SHC4: variants seen among roughly 807,000 people sequenced by gnomAD.
SHC4 encodes SHC-transforming protein 4.
A neutral mutation model predicts 69.4 loss-of-function variants in SHC4; 41 were observed. That is an observed-to-expected ratio of 0.59 (90% CI 0.46 to 0.77). The LOEUF is 0.77. SHC4 is among the 30% of genes least tolerant of loss of function. The pLI, the probability that SHC4 is intolerant of heterozygous loss-of-function variation, is 0.00. For missense variants in SHC4, 777 were observed against 783.8 expected (o/e 0.99, Z 0.10); for synonymous variants, 318 against 299.3 (o/e 1.06, Z -0.64).
intron 4 of SHC4, among the ~76,000 whole-genome samples, chr15:48,883,619 T>C (rs1899982579): frequency 6.6e-6 from 1 of 152,214 alleles, no homozygotes; most frequent in African/African-American, 2.4e-5. Flanking sequence ...CTGGTTTAGG[T>C]ACACATTTAG....
At chr15:48,854,892 T>A (rs1217888154) in intron 8 of SHC4, among the ~76,000 whole-genome samples, 2 of 152,204 alleles carry the variant, frequency 1.3e-5, no homozygotes, top group East Asian at 3.8e-4. Context: ...GATGGGATCA[T>A]TTGTATCTCA....
At chr15:48,871,798 A>G (rs1899682604) in intron 5 of SHC4, among the ~76,000 whole-genome samples, 1 of 152,250 alleles carries the variant, frequency 6.6e-6, no homozygotes, top group African/African-American at 2.4e-5. Context: ...GATATTATCA[A>G]CAAGAAGCTT....
intron 1 of SHC4, among the ~76,000 whole-genome samples, chr15:48,950,243 A>C (rs1439469974): frequency 6.8e-6 from 1 of 146,338 alleles, no homozygotes; most frequent in Non-Finnish European, 1.5e-5. Flanking sequence ...TATATTATTA[A>C]ATTTCATATA....
In SHC4 at chr15:48,962,916, G is replaced by T. The variant is rs770928175; in HGVS notation, c.100C>A (p.Arg34=). 1.9e-6 allele frequency: 3 copies of T among 1,613,318 alleles called. No homozygotes were observed. Among genetic ancestry groups the T allele is most frequent in the Non-Finnish European group, 2.5e-6 (3 of 1,180,028 alleles). The change falls in exon 1 of 12, where the codon CGG becomes AGG. Residue 34 remains arginine (R), a synonymous_variant. Transcript: ENST00000332408. ...MLHRAKYSRF[R]NESITSLDEG... ...TCCAAGGACGTGATCGACTCGTTCC[G>T]AAAGCGGCTGTACTTGGCCCTGTGC...
chr15:48,956,010 A>G (rs1233223645), intron 1 of SHC4, among the ~76,000 whole-genome samples: 1 of 152,172 alleles, frequency 6.6e-6, no homozygotes, highest in Non-Finnish European at 1.5e-5. Context: ...GTCCAGGGGC[A>G]TGAAAGGACT....
Position 48,908,809 on chromosome 15 carries a change from T to C in SHC4, c.656+16070A>G, listed in dbSNP as rs1443145364. ...CCAGCACCATTTGTTGAAAAGGGTG[T>C]CCTTTCCCCACTTTATGTTTTTGTT... On this transcript the variant is annotated intron_variant, in intron 2 of 11. Coordinates refer to ENST00000332408, the MANE Select transcript of SHC4 (RefSeq NM_203349.4). Among the ~76,000 whole-genome samples the C allele has an allele frequency of 2.6e-5, 4 of 152,310 alleles. No homozygotes were observed. The East Asian group carries it at 7.7e-4, about 29-fold the overall frequency.
At chr15:48,896,585 G>C (rs995965594) in intron 2 of SHC4, among the ~76,000 whole-genome samples, 11 of 152,108 alleles carry the variant, frequency 7.2e-5, no homozygotes. Context: ...CTTTCAAAGT[G>C]CTGGGATTAC....
In SHC4 at chr15:48,834,773, C is replaced by T. The variant is rs753761167; in HGVS notation, c.1733G>A (p.Gly578Asp). Residue 578 changes from glycine to aspartate, a missense_variant, in exon 11 of 12, where the codon GGC becomes GAC. Coordinates refer to ENST00000332408, the MANE Select transcript of SHC4 (RefSeq NM_203349.4). The part of the protein sequence containing the change: ...AKHLLLVDPE[G>D]KVRTKDHVFD... ...CTAATGAGAAGTCAATGATACCTTG[C>T]CTTCAGGATCCACCAGGAGAAGATG... 1.5e-4 allele frequency: 239 copies of T among 1,613,954 alleles called. 1 individual carries two copies. In the South Asian group the frequency reaches 2.0e-3, roughly 13 times the overall value.
chr15:48,884,208 A>C, intron 4 of SHC4, 40 bp downstream of exon 4: 1 of 1,559,450 alleles, frequency 6.4e-7, no homozygotes, highest in Non-Finnish European at 8.6e-7. Flanking sequence ...TCTCTGAAAA[A>C]ATAGATATGT....
chr15:48,926,175 T>G (rs2141025399), intron 1 of SHC4, among the ~76,000 whole-genome samples: 1 of 152,300 alleles, frequency 6.6e-6, no homozygotes, highest in East Asian at 1.9e-4. Flanking sequence ...AGTAGTCTTC[T>G]GTGTAGCTTT....
intron 1 of SHC4, among the ~76,000 whole-genome samples, chr15:48,954,507 A>G (rs908296208): frequency 2.6e-5 from 4 of 152,268 alleles, no homozygotes; most frequent in Admixed American, 1.3e-4. Context: ...GGGAAACACT[A>G]CAATGAAGAG....
intron 2 of SHC4, among the ~76,000 whole-genome samples, chr15:48,900,382 C>G (rs917948881): frequency 1.3e-5 from 2 of 151,998 alleles, no homozygotes; most frequent in Admixed American, 1.3e-4. Flanking sequence ...TGGTGGGCAC[C>G]TGTAGTCCTA....
intron 2 of SHC4, among the ~76,000 whole-genome samples, chr15:48,912,461 A>T (rs139981319): frequency 2.0e-5 from 3 of 152,154 alleles, no homozygotes; most frequent in African/African-American, 7.2e-5. Context: ...TCTTTAAGCT[A>T]TCTACTTCCT....
intron 4 of SHC4, chr15:48,878,551 AG>A: frequency 6.2e-7 from 1 of 1,614,092 alleles, no homozygotes. Context: ...ACAGAGTATC[AG>A]CCGCTCTTGA....
At chr15:48,862,042 C>T (rs1899454339) in intron 6 of SHC4, among the ~76,000 whole-genome samples, 1 of 152,070 alleles carries the variant, frequency 6.6e-6, no homozygotes, top group South Asian at 2.1e-4. Context: ...GCAGGGAGTC[C>T]TCCATACTTT....
chr15:48,938,095 C>G (rs1394744893), intron 1 of SHC4: 1 of 152,154 alleles, frequency 6.6e-6, no homozygotes, highest in Non-Finnish European at 1.5e-5. Context: ...GAATGCTACT[C>G]TCTGTTGTTG....
At chr15:48,916,141 C>A (rs1351096104) in intron 2 of SHC4, among the ~76,000 whole-genome samples, 1 of 152,102 alleles carries the variant, frequency 6.6e-6, no homozygotes, top group African/African-American at 2.4e-5. Context: ...AATTTAGCTA[C>A]CTAATATACA....
intron 2 of SHC4, among the ~76,000 whole-genome samples, chr15:48,908,576 T>C (rs912980366): frequency 6.6e-6 from 1 of 152,214 alleles, no homozygotes; most frequent in Admixed American, 6.5e-5. Flanking sequence ...CTATTTATCT[T>C]TGTTTTTATT....
At chr15:48,851,063 G>T in intron 9 of SHC4, 125 bp downstream of exon 9, 1 of 826,778 alleles carries the variant, frequency 1.2e-6, no homozygotes, top group Non-Finnish European at 1.9e-6. Flanking sequence ...TACAGTCAAA[G>T]GATTATGTGT....
Sources: allele counts gnomAD v4.1 joint callset (sites outside exome capture counted in the v4.1 genomes callset), GRCh38; gene constraint gnomAD v4.1.1; transcripts MANE v1.5; gene names NCBI Gene and HGNC (gene_info 2026-07-23, HGNC 2026-07-21).